The following ARID2 variants were observed in gnomAD, a reference collection of about 807,000 sequenced individuals.
ARID2 encodes the protein AT-rich interactive domain-containing protein 2.
A neutral mutation model predicts 184.6 loss-of-function variants in ARID2; 32 were observed. That is an observed-to-expected ratio of 0.17 (90% confidence interval 0.13 to 0.23). ARID2 has a LOEUF of 0.23. Among genes scored for constraint, ARID2 ranks in the 10% least tolerant of loss-of-function variants. The pLI, the probability that ARID2 is intolerant of heterozygous loss-of-function variation, is 1.00. For missense variants in ARID2, 1,696 were observed against 2,197.6 expected, an observed-to-expected ratio of 0.77 and a Z score of 4.56; for synonymous variants, 836 against 772.6, an observed-to-expected ratio of 1.08 and a Z score of -1.36.
chr12:45,861,045 C>T, intron 16 of ARID2, 96 bp downstream of exon 16: 1 of 1,179,216 alleles, frequency 8.5e-7, no homozygotes, highest in East Asian at 2.9e-5. Flanking sequence ...TGAAAATTTT[C>T]CTTTAGAACC....
chr12:45,860,553 A>G (rs991866010), intron 15 of ARID2, among the ~76,000 whole-genome samples: 1 of 151,816 alleles, frequency 6.6e-6, no homozygotes, highest in African/African-American at 2.4e-5. Flanking sequence ...TAAATAATAT[A>G]TATTTTATAG....
In ARID2 at chr12:45,891,761, C is replaced by G. The variant is rs371947928; in HGVS notation, c.4923-19C>G. 1.5e-5 allele frequency: 24 copies of G among 1,608,102 alleles called. No individual in the cohort carries two copies. In the Admixed American group the frequency reaches 2.1e-4, roughly 14 times the overall value. The stretch of plus-strand genomic sequence containing the variant: ...ATACTTGAATACATCCAAGTGTCTA[C>G]TACTTTTATTTTTTATAGGTGGTTT... On this transcript the variant is annotated intron_variant, in intron 16 of 20. Transcript: ENST00000334344.
chr12:45,760,974 A>T (rs1941667296), intron 3 of ARID2, among the ~76,000 whole-genome samples: 1 of 152,132 alleles, frequency 6.6e-6, no homozygotes, highest in Admixed American at 6.5e-5. Flanking sequence ...CAGTCCTTCC[A>T]TGTTGGCCCC....
chr12:45,788,177 C>A (rs139636761), intron 3 of ARID2, among the ~76,000 whole-genome samples: 1 of 152,174 alleles, frequency 6.6e-6, no homozygotes, highest in African/African-American at 2.4e-5. Context: ...GTATTGAGAA[C>A]ATGAGCATTA....
At chr12:45,892,705 G>A (rs183151417) in intron 18 of ARID2, among the ~76,000 whole-genome samples, 9 of 152,166 alleles carry the variant, frequency 5.9e-5, no homozygotes, top group African/African-American at 1.9e-4. Flanking sequence ...ATACGAGTCA[G>A]CATCTCCATT....
chr12:45,863,311 A>G (rs1226625301), intron 16 of ARID2, among the ~76,000 whole-genome samples: 2 of 152,234 alleles, frequency 1.3e-5, no homozygotes, highest in African/African-American at 4.8e-5. Flanking sequence ...CGACATGAAA[A>G]GAGAAATGGC....
intron 3 of ARID2, among the ~76,000 whole-genome samples, chr12:45,778,063 G>A (rs1044406304): frequency 2.6e-5 from 4 of 151,998 alleles, no homozygotes; most frequent in East Asian, 1.9e-4. Context: ...AAAATTAGCC[G>A]GGTGTGGTGG....
intron 16 of ARID2, among the ~76,000 whole-genome samples, chr12:45,869,178 A>C (rs780687985): frequency 5.0e-4 from 76 of 151,928 alleles, no homozygotes; most frequent in Admixed American, 1.8e-3. Flanking sequence ...CACCATGCCC[A>C]GCTAATTTTT....
rs558376738 is a variant in ARID2 at position 45,782,409 on chromosome 12, A to T, written c.285-29009A>T. 7.2e-5 allele frequency among the ~76,000 whole-genome samples: 11 copies of T among 152,252 alleles called. No homozygotes were observed. The South Asian group carries it at 2.3e-3, about 32-fold the overall frequency. On this transcript the variant is annotated intron_variant, in intron 3 of 20. Coordinates refer to ENST00000334344, the MANE Select transcript of ARID2 (RefSeq NM_152641.4). ...CACACTGGGAGGCCGAGGTGGATGG[A>T]TCACCTGAGGTGAGGAGTTAAAGAC... is the stretch of plus-strand genomic sequence containing the variant.
intron 11 of ARID2, among the ~76,000 whole-genome samples, chr12:45,844,203 A>G (rs1313170119): frequency 6.6e-6 from 1 of 151,988 alleles, no homozygotes; most frequent in Non-Finnish European, 1.5e-5. Context: ...AAGTCTGGCT[A>G]AGGACGGGGT....
At chr12:45,890,213 TAC>T (rs988251046) in intron 16 of ARID2, among the ~76,000 whole-genome samples, 30 of 152,366 alleles carry the variant, frequency 2.0e-4, no homozygotes, top group African/African-American at 7.2e-4. Flanking sequence ...TTTAAAATCA[TAC>T]ATAGTTGTGT....
In ARID2 at chr12:45,852,869, A is replaced by C. The variant is rs1311486593; in HGVS notation, c.4746A>C (p.Pro1582=). The change falls in exon 15 of 21, where the codon CCA becomes CCC. Residue 1582 remains proline (P), a synonymous_variant. Coordinates refer to ENST00000334344, the MANE Select transcript of ARID2 (RefSeq NM_152641.4). ...SAVQQKQQHP[P]TYVQNVVPQN... is the part of the protein sequence containing the mutation. ...TTCAGCAAAAGCAACAGCATCCACCAACATATGTACAGAATGTGGTCCCGC... is the reference window on the plus strand; with the variant it reads ...TTCAGCAAAAGCAACAGCATCCACCCACATATGTACAGAATGTGGTCCCGC... The C allele has an allele frequency of 2.5e-6, 4 of 1,608,078 alleles. No homozygotes were observed. Among genetic ancestry groups the C allele is most frequent in the Non-Finnish European group, 3.4e-6 (4 of 1,176,718 alleles).
At chr12:45,780,152 C>T (rs1942061639) in intron 3 of ARID2, among the ~76,000 whole-genome samples, 3 of 152,300 alleles carry the variant, frequency 2.0e-5, no homozygotes. Flanking sequence ...CAAGTATTTA[C>T]TAACCACTTA....
intron 3 of ARID2, among the ~76,000 whole-genome samples, chr12:45,767,995 T>G (rs182178429): frequency 2.0e-5 from 3 of 152,142 alleles, no homozygotes; most frequent in Non-Finnish European, 1.5e-5. Context: ...TAAGAACATA[T>G]AGCAAATGAA....
intron 6 of ARID2, among the ~76,000 whole-genome samples, chr12:45,833,793 A>G (rs1366374674): frequency 6.6e-6 from 1 of 152,184 alleles, no homozygotes; most frequent in Non-Finnish European, 1.5e-5. Context: ...ACAGCCTCTT[A>G]TAATTGTTCT....
intron 3 of ARID2, among the ~76,000 whole-genome samples, chr12:45,769,472 TAGA>T (rs1457072636): frequency 1.2e-4 from 19 of 152,076 alleles, no homozygotes; most frequent in African/African-American, 4.6e-4. Flanking sequence ...AATTTAAAGA[TAGA>T]TCAACAGAGA....
intron 3 of ARID2, among the ~76,000 whole-genome samples, chr12:45,777,402 A>G (rs998819802): frequency 6.6e-6 from 1 of 152,170 alleles, no homozygotes; most frequent in Non-Finnish European, 1.5e-5. Context: ...CTGAATTGCC[A>G]TTGAGATGAT....
At chr12:45,869,715 T>A (rs182716402) in intron 16 of ARID2, among the ~76,000 whole-genome samples, 5 of 151,980 alleles carry the variant, frequency 3.3e-5, no homozygotes, top group Non-Finnish European at 5.9e-5. Flanking sequence ...AAACCCCGTC[T>A]CTACTAAAAA....
chr12:45,750,243 A>G (rs933661206), intron 3 of ARID2, among the ~76,000 whole-genome samples: 4 of 152,158 alleles, frequency 2.6e-5, no homozygotes, highest in Admixed American at 6.5e-5. Flanking sequence ...AGGGAGAGAA[A>G]TGGGAGAATG....
Sources: gnomAD v4.1 joint callset for allele counts (sites outside exome capture counted in the v4.1 genomes callset) on GRCh38, gnomAD v4.1.1 for gene constraint, MANE v1.5 for transcripts, NCBI Gene and HGNC (gene_info 2026-07-23, HGNC 2026-07-21) for gene names.